The following PCDH15 variants were observed in gnomAD, a reference collection of about 807,000 sequenced individuals.
PCDH15 encodes the protein protocadherin related 15, also known as protocadherin-15.
Under a neutral mutation model 178.5 loss-of-function variants are expected in PCDH15, and 129 were observed. The ratio of observed to expected loss-of-function variants is 0.72; its 90% CI spans 0.63 to 0.84. The LOEUF is 0.84. PCDH15 is among the 40% of genes least tolerant of loss of function. PCDH15 has a pLI of 0.00. For synonymous variants in PCDH15, 800 were observed against 732.0 expected, an observed-to-expected ratio of 1.09 and a Z score of -1.50; for missense variants, 2,230 against 2,099.9, an observed-to-expected ratio of 1.06 and a Z score of -1.21.
intron 1 of PCDH15, among the ~76,000 whole-genome samples, chr10:54,695,602 C>T (rs575437754): frequency 9.2e-5 from 14 of 152,170 alleles, no homozygotes; most frequent in African/African-American, 3.4e-4. Flanking sequence ...ACTTTCATAA[C>T]TAGAGAGAAG....
At chr10:54,525,121 G>A (rs2083251033) in intron 3 of PCDH15, among the ~76,000 whole-genome samples, 1 of 152,150 alleles carries the variant, frequency 6.6e-6, no homozygotes, top group Admixed American at 6.5e-5. Context: ...TATAAATGTA[G>A]CTCAATGACT....
intron 2 of PCDH15, among the ~76,000 whole-genome samples, chr10:54,934,392 A>AT (rs929580261): frequency 2.0e-5 from 3 of 151,994 alleles, no homozygotes; most frequent in Admixed American, 2.0e-4. Flanking sequence ...AATACTAAAA[A>AT]TTTTTTTTAT....
At chr10:54,308,666 G>T (rs970822405) in intron 8 of PCDH15, among the ~76,000 whole-genome samples, 3 of 151,932 alleles carry the variant, frequency 2.0e-5, no homozygotes, top group African/African-American at 4.8e-5. Flanking sequence ...TAATTTCTGG[G>T]TTACATGTGC....
At chr10:54,971,958 C>G (rs755471179) in intron 2 of PCDH15, among the ~76,000 whole-genome samples, 4 of 152,088 alleles carry the variant, frequency 2.6e-5, no homozygotes, top group South Asian at 2.1e-4. Context: ...CCCACCTTCC[C>G]CAGGCAGGAC....
intron 9 of PCDH15, among the ~76,000 whole-genome samples, chr10:54,235,360 T>C (rs1354225684): frequency 1.3e-5 from 2 of 152,318 alleles, no homozygotes; most frequent in African/African-American, 2.4e-5. Flanking sequence ...TGATCGTTTG[T>C]TGAGAAAAAG....
At chr10:55,505,325 T>A (rs916536196) in intron 2 of PCDH15, among the ~76,000 whole-genome samples, 1 of 151,374 alleles carries the variant, frequency 6.6e-6, no homozygotes, top group African/African-American at 2.4e-5. Context: ...ATTATTGACA[T>A]TTAACTGAAA....
chr10:54,887,947 T>C (rs765092610), intron 3 of PCDH15, among the ~76,000 whole-genome samples: 2 of 152,144 alleles, frequency 1.3e-5, no homozygotes, highest in Non-Finnish European at 2.9e-5. Flanking sequence ...CAAAGTTTGG[T>C]ATTCAAGAAT....
At chr10:54,861,552 A>G (rs993017208) in intron 3 of PCDH15, among the ~76,000 whole-genome samples, 3 of 152,160 alleles carry the variant, frequency 2.0e-5, no homozygotes, top group Non-Finnish European at 4.4e-5. Flanking sequence ...ATACTTCATA[A>G]TAATAAAGGC....
intron 3 of PCDH15, among the ~76,000 whole-genome samples, chr10:54,482,045 A>G (rs1276366832): frequency 6.6e-6 from 1 of 151,880 alleles, no homozygotes; most frequent in Non-Finnish European, 1.5e-5. Context: ...TGTACTGCTG[A>G]AAGTGTTTTC....
At chr10:53,880,898 CA>C (rs1189885617) in intron 26 of PCDH15, among the ~76,000 whole-genome samples, 2 of 151,956 alleles carry the variant, frequency 1.3e-5, no homozygotes, top group African/African-American at 4.8e-5. Context: ...AAACAACCCT[CA>C]AAAAAACAGT....
At chr10:54,567,389 C>T (rs949690) in intron 2 of PCDH15, among the ~76,000 whole-genome samples, 144,490 of 152,220 alleles carry the variant, frequency 0.95, 68,712 homozygotes, top group Middle Eastern at 0.98. Context: ...ATGTTGTATC[C>T]AAAAAGTCAT....
intron 23 of PCDH15, among the ~76,000 whole-genome samples, chr10:53,958,174 A>G (rs1351782652): frequency 1.3e-5 from 2 of 152,174 alleles, no homozygotes; most frequent in Non-Finnish European, 2.9e-5. Flanking sequence ...CTAGAACATG[A>G]TCAAGTTCTC....
chr10:55,295,079 G>C (rs536057657), intron 1 of PCDH15, among the ~76,000 whole-genome samples: 3 of 152,142 alleles, frequency 2.0e-5, no homozygotes, highest in African/African-American at 7.2e-5. Context: ...TCTGTTTTCT[G>C]ATAACATTCA....
At chr10:54,112,066 CCAGGAGGTGGAGG>C (rs1191569939) in intron 15 of PCDH15, among the ~76,000 whole-genome samples, 2 of 151,706 alleles carry the variant, frequency 1.3e-5, no homozygotes. Context: ...TCACTTGAAC[CCAGGAGGTGGAGG>C]TTGCAGTGAG....
intron 8 of PCDH15, among the ~76,000 whole-genome samples, chr10:54,282,452 C>T (rs1348109723): frequency 1.3e-5 from 2 of 151,970 alleles, no homozygotes; most frequent in Non-Finnish European, 2.9e-5. Flanking sequence ...CATTTGAACA[C>T]AAAGGAAAGG....
At chr10:55,094,427 G>A (rs1303024728) in intron 2 of PCDH15, among the ~76,000 whole-genome samples, 2 of 151,880 alleles carry the variant, frequency 1.3e-5, no homozygotes, top group Non-Finnish European at 2.9e-5. Context: ...GCATTTAGGA[G>A]GAATACCTAA....
intron 2 of PCDH15, among the ~76,000 whole-genome samples, chr10:55,379,269 G>A (rs112975315): frequency 2.8e-4 from 43 of 151,912 alleles, no homozygotes; most frequent in South Asian, 6.2e-4. Context: ...AATCACAGAC[G>A]CTTTCTTCAA....
chr10:55,210,618 C>CTT (rs11412877), intron 1 of PCDH15, among the ~76,000 whole-genome samples: 1,505 of 40,244 alleles, frequency 0.037, 294 homozygotes, highest in Middle Eastern at 0.12. Context: ...TTTTTCTTTT[C>CTT]TTTTTTTTTT....
chr10:55,171,870 C>T (rs528658422), intron 1 of PCDH15, among the ~76,000 whole-genome samples: 7 of 151,360 alleles, frequency 4.6e-5, no homozygotes, highest in South Asian at 2.1e-4. Flanking sequence ...TAGTGATGTA[C>T]GCCAAACAAT....
Sources: gnomAD v4.1 joint callset for allele counts (sites outside exome capture counted in the v4.1 genomes callset) on GRCh38, gnomAD v4.1.1 for gene constraint, MANE v1.5 for transcripts, NCBI Gene and HGNC (gene_info 2026-07-23, HGNC 2026-07-21) for gene names.